The following RNF217 variants were observed in gnomAD, a reference collection of about 807,000 sequenced individuals.
RNF217 encodes ring finger protein 217, also known as E3 ubiquitin-protein ligase RNF217.
Under a neutral mutation model 57.8 loss-of-function variants are expected in RNF217, and 31 were observed. The ratio of observed to expected loss-of-function variants is 0.54; its 90% CI spans 0.40 to 0.72. The LOEUF is 0.72. Among genes scored for constraint, RNF217 ranks in the 30% least tolerant of loss-of-function variants. RNF217 has a pLI of 0.00. For missense variants in RNF217, 696 were observed against 708.3 expected, an observed-to-expected ratio of 0.98 and a Z score of 0.20; for synonymous variants, 313 against 294.0, an observed-to-expected ratio of 1.06 and a Z score of -0.66.
At chr6:125,050,984 C>T (rs1435957737) in intron 2 of RNF217, among the ~76,000 whole-genome samples, 1 of 151,808 alleles carries the variant, frequency 6.6e-6, no homozygotes, top group Non-Finnish European at 1.5e-5. Context: ...CTTGAAAAAA[C>T]ATATAACACT....
chr6:125,030,557 C>G (rs1411415401), intron 1 of RNF217, among the ~76,000 whole-genome samples: 1 of 152,204 alleles, frequency 6.6e-6, no homozygotes, highest in Non-Finnish European at 1.5e-5. Context: ...AGCGCCCATG[C>G]AAGTCCAAAA....
rs550123252 is a variant in RNF217, at chr6:124,971,558, C to A, written c.882+8132C>A. 24 of 267,348 alleles carry A rather than the reference C, an allele frequency of 9.0e-5. No individual in the cohort carries two copies. The East Asian group carries it at 3.1e-3, about 34-fold the overall frequency. The allele number at this position is 267,348 out of a possible 1,614,324, so 16.6% of individuals were successfully genotyped here. A position where few individuals can be genotyped will look rare whatever the true frequency, so the allele number is the denominator to read the frequency against. On this transcript the variant is annotated intron_variant, in intron 1 of 5. Coordinates refer to ENST00000521654, the MANE Select transcript of RNF217 (RefSeq NM_001286398.3). Reference sequence around the variant, plus strand: ...GAAACCTCCACATCCCAGGTTCAAGCGATTCTCCTGCCTCAGCCTTCCGAG... The same window carrying A: ...GAAACCTCCACATCCCAGGTTCAAGAGATTCTCCTGCCTCAGCCTTCCGAG...
At chr6:125,047,328 G>C (rs9375386) in intron 2 of RNF217, among the ~76,000 whole-genome samples, 1 of 151,856 alleles carries the variant, frequency 6.6e-6, no homozygotes, top group Non-Finnish European at 1.5e-5. Context: ...TATGGCAATA[G>C]TGAAATGTTT....
chr6:125,050,051 TA>T (rs1787251721), intron 2 of RNF217, among the ~76,000 whole-genome samples: 1 of 151,354 alleles, frequency 6.6e-6, no homozygotes, highest in Admixed American at 6.6e-5. Flanking sequence ...CTTTGGGAGG[TA>T]GAGGAGGTGA....
chr6:124,963,493 A>G, intron 1 of RNF217, 67 bp downstream of exon 1: 16 of 1,423,880 alleles, frequency 1.1e-5, no homozygotes, highest in Non-Finnish European at 1.5e-5. Context: ...CCTGCTCTCG[A>G]TCTGATCTCC....
chr6:124,969,043 T>G (rs1468983087), intron 1 of RNF217, among the ~76,000 whole-genome samples: 5 of 152,294 alleles, frequency 3.3e-5, no homozygotes, highest in African/African-American at 1.2e-4. Flanking sequence ...TAAATAAGCT[T>G]TTTTTTAAAA....
In RNF217 at chr6:124,995,451, T is replaced by A. The variant is rs139819003; in HGVS notation, c.882+32025T>A. ...ACTGTTGCTTAGTTGTGCACATTTT[T>A]AATCACTTTTATAAAAATGAAAACA... On this transcript the variant is annotated intron_variant, in intron 1 of 5. Transcript: ENST00000521654. Among the ~76,000 whole-genome samples the A allele has an allele frequency of 2.1e-3, 314 of 152,350 alleles. 1 individual carries two copies. Among genetic ancestry groups the A allele is most frequent in the African/African-American group, 6.8e-3 (283 of 41,586 alleles).
intron 1 of RNF217, among the ~76,000 whole-genome samples, chr6:124,988,333 A>C (rs926526136): frequency 6.6e-6 from 1 of 152,168 alleles, no homozygotes; most frequent in Non-Finnish European, 1.5e-5. Context: ...AAAAGTTTCA[A>C]CCTAAGCTCA....
At chr6:125,079,051 T>C (rs1788477296) in intron 4 of RNF217, among the ~76,000 whole-genome samples, 2 of 152,174 alleles carry the variant, frequency 1.3e-5, no homozygotes, top group Admixed American at 1.3e-4. Flanking sequence ...ATGTGGTCCT[T>C]GGCCAGAGGC....
At chr6:124,979,964 G>A (rs557515247) in intron 1 of RNF217, among the ~76,000 whole-genome samples, 2 of 152,268 alleles carry the variant, frequency 1.3e-5, no homozygotes, top group Admixed American at 6.5e-5. Context: ...TGTTGGAAGT[G>A]CATTGTCTTT....
intron 1 of RNF217, among the ~76,000 whole-genome samples, chr6:124,975,965 T>G (rs558414824): frequency 6.6e-6 from 1 of 152,276 alleles, no homozygotes; most frequent in South Asian, 2.1e-4. Context: ...TTCCTCAAGA[T>G]ATTTTTTAAA....
intron 1 of RNF217, among the ~76,000 whole-genome samples, chr6:125,001,389 G>A (rs1359328014): frequency 6.6e-6 from 1 of 152,090 alleles, no homozygotes; most frequent in African/African-American, 2.4e-5. Flanking sequence ...GACTTAATTC[G>A]AGAACGGTAG....
chr6:125,006,741 G>A (rs1217198121), intron 1 of RNF217, among the ~76,000 whole-genome samples: 1 of 152,192 alleles, frequency 6.6e-6, no homozygotes, highest in East Asian at 1.9e-4. Flanking sequence ...CTGAGGTCAG[G>A]AGTTCAAGAC....
chr6:124,988,663 G>A (rs1488126055), intron 1 of RNF217, among the ~76,000 whole-genome samples: 1 of 152,062 alleles, frequency 6.6e-6, no homozygotes, highest in Non-Finnish European at 1.5e-5. Context: ...ACACATTTTA[G>A]CAGATTCTAC....
chr6:124,973,509 G>A (rs1043529083), intron 1 of RNF217, among the ~76,000 whole-genome samples: 2 of 152,206 alleles, frequency 1.3e-5, no homozygotes, highest in African/African-American at 4.8e-5. Context: ...GCCCAGAAGA[G>A]AATAGGTGCT....
At chr6:125,016,624 G>A (rs886417466) in intron 1 of RNF217, among the ~76,000 whole-genome samples, 1 of 151,874 alleles carries the variant, frequency 6.6e-6, no homozygotes, top group African/African-American at 2.4e-5. Flanking sequence ...ACGGAATACT[G>A]TGCAGCCATA....
At chr6:125,036,163 G>A (rs1487275263) in intron 1 of RNF217, among the ~76,000 whole-genome samples, 2 of 152,102 alleles carry the variant, frequency 1.3e-5, no homozygotes, top group Non-Finnish European at 2.9e-5. Context: ...ACTTATGAGT[G>A]AGAACATGCA....
intron 3 of RNF217, among the ~76,000 whole-genome samples, chr6:125,074,280 C>T (rs1382947212): frequency 6.8e-6 from 1 of 147,988 alleles, no homozygotes; most frequent in Non-Finnish European, 1.5e-5. Flanking sequence ...TTAGGTAGGT[C>T]GGTAGACAGA....
chr6:125,081,125 T>G (rs1424032671), intron 4 of RNF217, among the ~76,000 whole-genome samples: 1 of 152,044 alleles, frequency 6.6e-6, no homozygotes, highest in Non-Finnish European at 1.5e-5. Context: ...GAAAGGATCT[T>G]AAGGAAAAGC....
Sources: gnomAD v4.1 joint callset for allele counts (sites outside exome capture counted in the v4.1 genomes callset) on GRCh38, gnomAD v4.1.1 for gene constraint, MANE v1.5 for transcripts, NCBI Gene and HGNC (gene_info 2026-07-23, HGNC 2026-07-21) for gene names.